Variants in PAPPA2 observed in about 807,000 individuals in gnomAD.
PAPPA2 encodes pappalysin-2.
Under a neutral mutation model 176.4 loss-of-function variants are expected in PAPPA2, and 86 were observed. That is an observed-to-expected ratio of 0.49 (90% CI 0.41 to 0.58). PAPPA2 has a LOEUF of 0.58. PAPPA2 is among the 20% of genes least tolerant of loss of function. The pLI, the probability that PAPPA2 is intolerant of heterozygous loss-of-function variation, is 0.00. For synonymous variants in PAPPA2, 809 were observed against 852.2 expected, an observed-to-expected ratio of 0.95 and a Z score of 0.88; for missense variants, 2,073 against 2,256.9, an observed-to-expected ratio of 0.92 and a Z score of 1.65.
intron 1 of PAPPA2, among the ~76,000 whole-genome samples, chr1:176,465,746 G>A (rs1651590821): frequency 6.6e-6 from 1 of 150,966 alleles, no homozygotes. Context: ...CATCACACAG[G>A]TATTAAGCCT....
chr1:176,821,086 A>G (rs933319482), intron 21 of PAPPA2, among the ~76,000 whole-genome samples: 3 of 152,134 alleles, frequency 2.0e-5, no homozygotes, highest in African/African-American at 7.2e-5. Context: ...AACTTACACC[A>G]TGGTTACAAA....
At chr1:176,623,338 C>G (rs1415342326) in intron 3 of PAPPA2, among the ~76,000 whole-genome samples, 1 of 152,100 alleles carries the variant, frequency 6.6e-6, no homozygotes, top group African/African-American at 2.4e-5. Flanking sequence ...TGAAACATTC[C>G]ATGTGTGTTT....
chr1:176,841,562 A>G (rs1008819199), intron 22 of PAPPA2, among the ~76,000 whole-genome samples: 25 of 152,208 alleles, frequency 1.6e-4, no homozygotes, highest in African/African-American at 5.5e-4. Flanking sequence ...AGGAAAAATC[A>G]TTGCCACTTT....
At chr1:176,593,777 T>C (rs900625939) in intron 2 of PAPPA2, among the ~76,000 whole-genome samples, 5 of 152,234 alleles carry the variant, frequency 3.3e-5, no homozygotes, top group African/African-American at 1.2e-4. Context: ...CCTTTACTAA[T>C]CTGGAAACAG....
In PAPPA2 at chr1:176,620,897, T is replaced by C. The variant is rs1655555981; in HGVS notation, c.1991+25302T>C. On this transcript the variant is annotated intron_variant, in intron 3 of 22. Coordinates refer to ENST00000367662, the MANE Select transcript of PAPPA2 (RefSeq NM_020318.3). ...TTTCCCCTTTTCCATATTTTCCTCA[T>C]AAAGGTATAACAATATTTTTATGGA... Among the ~76,000 whole-genome samples the C allele has an allele frequency of 3.3e-5, 5 of 152,282 alleles. 1 individual carries two copies. In the Middle Eastern group the frequency reaches 0.01, roughly 311 times the overall value.
chr1:176,476,102 T>A (rs1047763660), intron 1 of PAPPA2, among the ~76,000 whole-genome samples: 1 of 152,208 alleles, frequency 6.6e-6, no homozygotes, highest in African/African-American at 2.4e-5. Context: ...GCCCCTGATA[T>A]CTTTTCTGGT....
chr1:176,475,845 TG>T (rs1652091636), intron 1 of PAPPA2, among the ~76,000 whole-genome samples: 1 of 151,580 alleles, frequency 6.6e-6, no homozygotes, highest in African/African-American at 2.4e-5. Context: ...TCTGAAAAAT[TG>T]GAGTGGTGAA....
At chr1:176,627,361 A>T (rs1269148219) in intron 3 of PAPPA2, among the ~76,000 whole-genome samples, 4 of 152,186 alleles carry the variant, frequency 2.6e-5, no homozygotes, top group Non-Finnish European at 5.9e-5. Context: ...CAAATTCTAG[A>T]TAAGAATCTG....
At chr1:176,538,050 C>T (rs927226126) in intron 1 of PAPPA2, among the ~76,000 whole-genome samples, 5 of 152,130 alleles carry the variant, frequency 3.3e-5, no homozygotes, top group African/African-American at 4.8e-5. Context: ...GGAAGACTCT[C>T]GCCTCAACTC....
chr1:176,535,292 A>G (rs2102557569), intron 1 of PAPPA2, among the ~76,000 whole-genome samples: 1 of 152,338 alleles, frequency 6.6e-6, no homozygotes, highest in Middle Eastern at 3.4e-3. Context: ...TTGAGGTTGT[A>G]GAGCAAAAAG....
At chr1:176,654,197 T>C (rs1409418972) in intron 3 of PAPPA2, among the ~76,000 whole-genome samples, 3 of 151,694 alleles carry the variant, frequency 2.0e-5, no homozygotes, top group Non-Finnish European at 4.4e-5. Flanking sequence ...AATCTTACAT[T>C]GAAGTCGTTA....
intron 17 of PAPPA2, among the ~76,000 whole-genome samples, chr1:176,789,517 CG>C (rs767505207): frequency 6.6e-4 from 101 of 151,946 alleles, no homozygotes; most frequent in Non-Finnish European, 1.3e-3. Flanking sequence ...CAAACCTGCA[CG>C]TTGTGCACAT....
At chr1:176,616,494 T>C in intron 3 of PAPPA2, 1 of 896,134 alleles carries the variant, frequency 1.1e-6, no homozygotes, top group East Asian at 2.9e-5. Flanking sequence ...AACAGCAATA[T>C]AACAACCAGG....
At chr1:176,508,287 T>G (rs914674831) in intron 1 of PAPPA2, among the ~76,000 whole-genome samples, 10 of 152,064 alleles carry the variant, frequency 6.6e-5, no homozygotes, top group African/African-American at 2.4e-4. Flanking sequence ...TCCAGTAAAA[T>G]AAATCAGTCG....
At chr1:176,765,598 G>A in intron 14 of PAPPA2, 68 bp from the exon 15 acceptor site, 1 of 1,493,496 alleles carries the variant, frequency 6.7e-7, no homozygotes, top group South Asian at 1.3e-5. Context: ...AGATGGAGCT[G>A]CAAAGTCATT....
At chr1:176,643,557 G>C (rs888125668) in intron 3 of PAPPA2, among the ~76,000 whole-genome samples, 1 of 151,640 alleles carries the variant, frequency 6.6e-6, no homozygotes, top group Non-Finnish European at 1.5e-5. Context: ...AGGAGTACCA[G>C]TATACACAGA....
chr1:176,766,324 A>T (rs1663963427), intron 15 of PAPPA2, among the ~76,000 whole-genome samples: 1 of 152,188 alleles, frequency 6.6e-6, no homozygotes, highest in South Asian at 2.1e-4. Context: ...ACTCTGGCCA[A>T]ATTTTCCAAA....
intron 21 of PAPPA2, among the ~76,000 whole-genome samples, chr1:176,816,611 T>A (rs1346718033): frequency 1.3e-5 from 2 of 152,054 alleles, no homozygotes; most frequent in African/African-American, 4.8e-5. Flanking sequence ...CTTTTTTTTT[T>A]ATGAGTTCAT....
intron 3 of PAPPA2, among the ~76,000 whole-genome samples, chr1:176,606,749 C>T (rs575368633): frequency 6.6e-6 from 1 of 152,302 alleles, no homozygotes; most frequent in Non-Finnish European, 1.5e-5. Context: ...AGTCATGAGC[C>T]ACCATGCCTG....
Sources: allele counts gnomAD v4.1 joint callset (sites outside exome capture counted in the v4.1 genomes callset), GRCh38; gene constraint gnomAD v4.1.1; transcripts MANE v1.5; gene names NCBI Gene and HGNC (gene_info 2026-07-23, HGNC 2026-07-21).